NCAM2: variants seen among roughly 807,000 people sequenced by gnomAD.
The protein encoded by NCAM2 is neural cell adhesion molecule 2.
A neutral mutation model predicts 98.1 loss-of-function variants in NCAM2; 30 were observed. The ratio of observed to expected loss-of-function variants is 0.31; its 90% CI spans 0.23 to 0.41. The LOEUF (loss-of-function observed/expected upper bound fraction) is 0.41. NCAM2 is among the 10% of genes least tolerant of loss of function. NCAM2 has a pLI of 1.00. For synonymous variants in NCAM2, 368 were observed against 342.4 expected (o/e 1.07, Z -0.83); for missense variants, 867 against 1,005.8 (o/e 0.86, Z 1.87).
At chr21:21,182,481 G>C (rs561965021) in intron 1 of NCAM2, among the ~76,000 whole-genome samples, 38 of 152,198 alleles carry the variant, frequency 2.5e-4, no homozygotes, top group African/African-American at 8.9e-4. Context: ...TTTTACTCTG[G>C]TCTTAAGTTG....
At chr21:21,204,636 A>G (rs192934608) in intron 1 of NCAM2, among the ~76,000 whole-genome samples, 73 of 152,268 alleles carry the variant, frequency 4.8e-4, no homozygotes, top group African/African-American at 1.7e-3. Context: ...CTTAGTTTCT[A>G]CCATGAATAT....
chr21:21,003,117 A>T (rs2146105767), intron 1 of NCAM2, among the ~76,000 whole-genome samples: 1 of 152,272 alleles, frequency 6.6e-6, no homozygotes, highest in Middle Eastern at 3.4e-3. Context: ...CTAATCACAA[A>T]TAGATATCAA....
At chr21:21,068,287 C>A (rs62207578) in intron 1 of NCAM2, among the ~76,000 whole-genome samples, 26,053 of 151,094 alleles carry the variant, frequency 0.17, 2,461 homozygotes, top group Non-Finnish European at 0.19. Context: ...CACCCACCAC[C>A]GTGCCTGGCT....
intron 1 of NCAM2, among the ~76,000 whole-genome samples, chr21:21,013,759 CA>C (rs2064252518): frequency 7.2e-6 from 1 of 139,286 alleles, no homozygotes. Context: ...CTAGTCTGGG[CA>C]AAAAGAGTGA....
intron 1 of NCAM2, among the ~76,000 whole-genome samples, chr21:21,057,974 C>T (rs920330047): frequency 5.3e-5 from 8 of 151,904 alleles, no homozygotes; most frequent in Non-Finnish European, 8.8e-5. Flanking sequence ...ATGATGTCTC[C>T]GAAGAATTTC....
At chr21:21,124,501 G>A (rs1340965000) in intron 1 of NCAM2, among the ~76,000 whole-genome samples, 5 of 152,094 alleles carry the variant, frequency 3.3e-5, no homozygotes, top group Admixed American at 2.0e-4. Context: ...GGCTACATTT[G>A]CTAATTGAAA....
At chr21:21,231,974 T>C (rs2070644984) in intron 1 of NCAM2, among the ~76,000 whole-genome samples, 1 of 151,594 alleles carries the variant, frequency 6.6e-6, no homozygotes, top group Non-Finnish European at 1.5e-5. Flanking sequence ...CCAGCTTTCT[T>C]AATTGTAATA....
intron 6 of NCAM2, among the ~76,000 whole-genome samples, chr21:21,331,545 CAT>C (rs747427154): frequency 2.9e-3 from 1 of 342 alleles, no homozygotes; most frequent in African/African-American, 6.0e-3. Flanking sequence ...ACTCTATATA[CAT>C]ATATATATAT....
intron 1 of NCAM2, among the ~76,000 whole-genome samples, chr21:21,063,933 A>C (rs1260310051): frequency 6.6e-6 from 1 of 152,196 alleles, no homozygotes; most frequent in Non-Finnish European, 1.5e-5. Context: ...ACACATAATG[A>C]TTTCTTGATA....
intron 1 of NCAM2, among the ~76,000 whole-genome samples, chr21:21,095,885 G>A (rs1360257455): frequency 6.6e-6 from 1 of 151,604 alleles, no homozygotes; most frequent in Non-Finnish European, 1.5e-5. Context: ...TGATGCAGAG[G>A]AACCGTTAAG....
At chr21:21,022,559 G>T (rs1039624808) in intron 1 of NCAM2, among the ~76,000 whole-genome samples, 8 of 152,024 alleles carry the variant, frequency 5.3e-5, no homozygotes, top group African/African-American at 1.7e-4. Flanking sequence ...TGCTAAAACT[G>T]TTATACTAGT....
intron 1 of NCAM2, among the ~76,000 whole-genome samples, chr21:21,041,334 C>G (rs1262180188): frequency 6.6e-6 from 1 of 152,110 alleles, no homozygotes; most frequent in Non-Finnish European, 1.5e-5. Context: ...GTTATGCTCT[C>G]AACAGAATTT....
At chr21:21,112,223 C>T (rs962207860) in intron 1 of NCAM2, among the ~76,000 whole-genome samples, 2 of 152,068 alleles carry the variant, frequency 1.3e-5, no homozygotes, top group Non-Finnish European at 2.9e-5. Context: ...TTTTACCCAG[C>T]CCCTATCCTC....
chr21:21,037,897 A>G (rs9984019), intron 1 of NCAM2, among the ~76,000 whole-genome samples: 144,881 of 152,252 alleles, frequency 0.95, 69,352 homozygotes, highest in East Asian at 1. Context: ...GAAGCAGAAC[A>G]TTCTCTACCT....
intron 1 of NCAM2, among the ~76,000 whole-genome samples, chr21:21,068,135 C>CTTTTTTTTTT (rs68078560): frequency 2.3e-5 from 2 of 88,576 alleles, no homozygotes; most frequent in East Asian, 2.8e-4. Context: ...ACTTTTTTTT[C>CTTTTTTTTTT]TTTTTTTTTT....
At chr21:21,131,093 T>A (rs2066923223) in intron 1 of NCAM2, among the ~76,000 whole-genome samples, 1 of 152,170 alleles carries the variant, frequency 6.6e-6, no homozygotes, top group Non-Finnish European at 1.5e-5. Context: ...TAAATAAGTT[T>A]GAAATCCTCA....
intron 8 of NCAM2, among the ~76,000 whole-genome samples, chr21:21,367,421 T>A (rs1328770673): frequency 1.3e-5 from 2 of 152,020 alleles, no homozygotes; most frequent in East Asian, 3.9e-4. Flanking sequence ...TTTGTCCTAA[T>A]TGTATTTTGT....
chr21:21,240,172 CTG>C, intron 1 of NCAM2, among the ~76,000 whole-genome samples: 1 of 152,018 alleles, frequency 6.6e-6, no homozygotes, highest in Non-Finnish European at 1.5e-5. Flanking sequence ...TAAACTAAAA[CTG>C]TTTTAAAAGG....
At chr21:21,282,687 C>G (rs1429975702) in intron 2 of NCAM2, among the ~76,000 whole-genome samples, 1 of 151,566 alleles carries the variant, frequency 6.6e-6, no homozygotes, top group Non-Finnish European at 1.5e-5. Flanking sequence ...GTTACACCCT[C>G]AAAGAGCTAA....
Sources: gnomAD v4.1 joint callset for allele counts (sites outside exome capture counted in the v4.1 genomes callset) on GRCh38, gnomAD v4.1.1 for gene constraint, MANE v1.5 for transcripts, NCBI Gene and HGNC (gene_info 2026-07-23, HGNC 2026-07-21) for gene names.